The following SV2C variants were observed in gnomAD, a reference collection of about 807,000 sequenced individuals.
SV2C encodes the protein synaptic vesicle glycoprotein 2C, also known as solute carrier family 22 member B3.
SV2C carries 49 observed loss-of-function variants against 79.7 expected under a neutral mutation model. That is an observed-to-expected ratio of 0.61 (90% CI 0.49 to 0.78). The LOEUF (loss-of-function observed/expected upper bound fraction) is 0.78, where lower values mean the gene tolerates loss of function less well. Among genes scored for constraint, SV2C ranks in the 30% least tolerant of loss-of-function variants. SV2C has a pLI of 0.00. For missense variants in SV2C, 833 were observed against 912.9 expected, an observed-to-expected ratio of 0.91 and a Z score of 1.13; for synonymous variants, 334 against 333.2, an observed-to-expected ratio of 1.00 and a Z score of -0.03.
intron 8 of SV2C, among the ~76,000 whole-genome samples, chr5:76,293,947 A>G (rs1747647634): frequency 6.6e-6 from 1 of 152,226 alleles, no homozygotes; most frequent in African/African-American, 2.4e-5. Context: ...TGCAAAGGCT[A>G]TGCCCATACT....
the SV2C span, among the ~76,000 whole-genome samples, chr5:75,940,193 A>T: frequency 6.6e-6 from 1 of 152,050 alleles, no homozygotes; most frequent in African/African-American, 2.4e-5. Flanking sequence ...GCAAAACCTC[A>T]TCTCTACAAA....
chr5:76,039,756 CAAAAA>C, the SV2C span, among the ~76,000 whole-genome samples: 2 of 119,090 alleles, frequency 1.7e-5, no homozygotes, highest in Admixed American at 8.6e-5. Context: ...AACTCCATCT[CAAAAA>C]AAAAAAAAAA....
At chr5:75,870,376 A>G in the SV2C span, among the ~76,000 whole-genome samples, 4 of 151,940 alleles carry the variant, frequency 2.6e-5, no homozygotes, top group East Asian at 7.8e-4. Context: ...ATAGTAAACA[A>G]TGCATCAGAG....
chr5:75,856,435 A>G, the SV2C span, among the ~76,000 whole-genome samples: 1 of 152,152 alleles, frequency 6.6e-6, no homozygotes, highest in Non-Finnish European at 1.5e-5. Context: ...TGTTCTCCAC[A>G]TTTTCACCAG....
chr5:76,113,953 C>A (rs1748176042), intron 1 of SV2C, among the ~76,000 whole-genome samples: 1 of 152,150 alleles, frequency 6.6e-6, no homozygotes, highest in Non-Finnish European at 1.5e-5. Flanking sequence ...TATACACATA[C>A]ACACCAGGCT....
intron 2 of SV2C, among the ~76,000 whole-genome samples, chr5:76,164,064 C>T (rs910383348): frequency 1.3e-5 from 2 of 152,132 alleles, no homozygotes; most frequent in Admixed American, 6.5e-5. Flanking sequence ...TAGGTATTCA[C>T]CCATCTATGC....
chr5:76,177,186 AT>A (rs1459377042), intron 2 of SV2C, among the ~76,000 whole-genome samples: 21 of 130,036 alleles, frequency 1.6e-4, no homozygotes, highest in African/African-American at 3.4e-4. Context: ...TAATCAATAT[AT>A]TATATATTAA....
chr5:76,256,684 A>G (rs1247707530), intron 4 of SV2C, among the ~76,000 whole-genome samples: 1 of 152,234 alleles, frequency 6.6e-6, no homozygotes, highest in East Asian at 1.9e-4. Context: ...GAGCTCTGAA[A>G]GAGAGCAGTT....
chr5:76,222,887 C>A (rs909010052), intron 4 of SV2C, among the ~76,000 whole-genome samples: 10 of 152,028 alleles, frequency 6.6e-5, no homozygotes, highest in Non-Finnish European at 1.5e-4. Context: ...TTGGTCATTC[C>A]CCAGATTGAC....
the SV2C span, among the ~76,000 whole-genome samples, chr5:75,965,881 A>G: frequency 2.6e-5 from 4 of 152,326 alleles, 1 homozygote; most frequent in South Asian, 8.3e-4. Flanking sequence ...TTACTTGGCT[A>G]CCAAAAATGC....
chr5:75,957,544 A>G, the SV2C span, among the ~76,000 whole-genome samples: 107 of 152,164 alleles, frequency 7.0e-4, no homozygotes, highest in South Asian at 0.013. Flanking sequence ...CTATGTATTC[A>G]GACTCTTGCC....
the SV2C span, among the ~76,000 whole-genome samples, chr5:76,030,289 T>TTTTTATTTA: frequency 8.5e-6 from 1 of 117,872 alleles, no homozygotes; most frequent in African/African-American, 3.9e-5. Context: ...TTTTTTTTTT[T>TTTTTATTTA]TTTATTTATT....
At chr5:75,920,473 G>A in the SV2C span, among the ~76,000 whole-genome samples, 1 of 152,196 alleles carries the variant, frequency 6.6e-6, no homozygotes, top group Non-Finnish European at 1.5e-5. Flanking sequence ...GCTATTTTAA[G>A]AAACCCCCCC....
At chr5:75,913,354 T>C in the SV2C span, among the ~76,000 whole-genome samples, 1 of 152,180 alleles carries the variant, frequency 6.6e-6, no homozygotes, top group Non-Finnish European at 1.5e-5. Context: ...TGCCATTGTA[T>C]CTAGGGGAAA....
chr5:76,237,036 T>G (rs1258118169), intron 4 of SV2C, among the ~76,000 whole-genome samples: 6 of 152,226 alleles, frequency 3.9e-5, no homozygotes, highest in Non-Finnish European at 7.3e-5. Context: ...TGCTTCTCCT[T>G]TGCCTTCAAT....
intron 3 of SV2C, among the ~76,000 whole-genome samples, chr5:76,198,613 G>A (rs1229744569): frequency 6.6e-6 from 1 of 152,136 alleles, no homozygotes; most frequent in African/African-American, 2.4e-5. Flanking sequence ...CCTTAATCCA[G>A]TCAAGTTAAC....
At chr5:76,047,618 CATT>C in the SV2C span, among the ~76,000 whole-genome samples, 1 of 152,064 alleles carries the variant, frequency 6.6e-6, no homozygotes, top group African/African-American at 2.4e-5. Flanking sequence ...GATATTCTAT[CATT>C]ATTAGAGGAA....
the SV2C span, among the ~76,000 whole-genome samples, chr5:75,855,825 T>C: frequency 6.6e-6 from 1 of 152,324 alleles, no homozygotes; most frequent in Non-Finnish European, 1.5e-5. Flanking sequence ...CTTCTAGTTA[T>C]TGTCAAATGG....
At chr5:76,135,777 T>C (rs1317131063) in intron 2 of SV2C, among the ~76,000 whole-genome samples, 3 of 152,194 alleles carry the variant, frequency 2.0e-5, no homozygotes, top group Non-Finnish European at 4.4e-5. Context: ...CAGAGTGGAT[T>C]CTGTGGAAGT....
Sources: gnomAD v4.1 joint callset for allele counts (sites outside exome capture counted in the v4.1 genomes callset) on GRCh38, gnomAD v4.1.1 for gene constraint, MANE v1.5 for transcripts, NCBI Gene and HGNC (gene_info 2026-07-23, HGNC 2026-07-21) for gene names.